Variants in FSTL5 observed in about 807,000 individuals in gnomAD.
FSTL5 encodes the protein follistatin-related protein 5.
A neutral mutation model predicts 89.1 loss-of-function variants in FSTL5; 62 were observed. The observed-to-expected ratio is 0.70, with a 90% CI of 0.57 to 0.86. The LOEUF is 0.86. Ranked by LOEUF, FSTL5 falls within the 40% of genes least tolerant of loss-of-function variation. The probability of loss-of-function intolerance (pLI) is 0.00; values close to 1 mark genes in which losing one functional copy is unlikely to be tolerated. For synonymous variants in FSTL5, 383 were observed against 346.2 expected (o/e 1.11, Z -1.18); for missense variants, 1,057 against 1,001.6 (o/e 1.06, Z -0.75).
At chr4:161,776,106 ATAT>A (rs766807930) in intron 4 of FSTL5, 32 bp from the exon 5 acceptor site, 14 of 1,079,168 alleles carry the variant, frequency 1.3e-5, no homozygotes, top group Non-Finnish European at 1.7e-5. Flanking sequence ...TTTTCAAGCA[ATAT>A]TATTGAAAAG....
rs1189502029 is a variant in FSTL5, at chr4:161,705,983, TATATATATATATAC to T, written c.728-49503_728-49490del. On this transcript the variant is annotated intron_variant, in intron 6 of 15. Transcript: ENST00000306100. The stretch of plus-strand genomic sequence containing the variant: ...ATATATATATATATATATATATATA[TATATATATATATAC>T]ACACATCTACACACACACAGACTAT... Among the ~76,000 whole-genome samples the T allele has an allele frequency of 7.3e-3, 685 of 94,346 alleles. 61 individuals carry two copies. The highest frequency in any genetic ancestry group is 0.012 in the Middle Eastern group (2 of 162). 61.9% of individuals were successfully genotyped at this position (94,346 alleles called of 152,430 possible).
At chr4:161,616,461 A>T (rs1734871554) in intron 7 of FSTL5, among the ~76,000 whole-genome samples, 2 of 152,156 alleles carry the variant, frequency 1.3e-5, no homozygotes, top group South Asian at 2.1e-4. Context: ...CAGCTTTTGG[A>T]TTCTTGGACC....
chr4:161,823,487 C>T (rs564913558), intron 4 of FSTL5, among the ~76,000 whole-genome samples: 3 of 152,306 alleles, frequency 2.0e-5, no homozygotes, highest in East Asian at 1.9e-4. Flanking sequence ...CAGGCTTAGC[C>T]GCAACTTTGC....
chr4:161,712,744 G>A (rs1738840532), intron 6 of FSTL5, among the ~76,000 whole-genome samples: 1 of 151,948 alleles, frequency 6.6e-6, no homozygotes, highest in Non-Finnish European at 1.5e-5. Flanking sequence ...GTTCACTGGA[G>A]ATCTCGTTGC....
chr4:161,609,616 C>T (rs757364286), intron 7 of FSTL5, among the ~76,000 whole-genome samples: 1 of 151,784 alleles, frequency 6.6e-6, no homozygotes, highest in African/African-American at 2.4e-5. Context: ...TATGAATGGT[C>T]TAAATTTTTT....
Position 161,602,616 on chromosome 4 carries a change from G to T in FSTL5, c.895-15041C>A, listed in dbSNP as rs118044266. Among the ~76,000 whole-genome samples the T allele has an allele frequency of 2.0e-5, 3 of 152,168 alleles. No individual in the cohort carries two copies. The East Asian group carries it at 5.8e-4, about 29-fold the overall frequency. On this transcript the variant is annotated intron_variant, in intron 7 of 15. Transcript: ENST00000306100. ...TATACTACAGGGGACCAAAGATAAA[G>T]AGAAATGTTTGATTTCCAGAAAAAA... is the stretch of plus-strand genomic sequence containing the variant.
chr4:161,928,408 T>G (rs531353188), intron 3 of FSTL5, among the ~76,000 whole-genome samples: 1 of 151,954 alleles, frequency 6.6e-6, no homozygotes, highest in East Asian at 1.9e-4. Flanking sequence ...ACAGAGTTTC[T>G]GTTCATTTGG....
At chr4:161,575,340 T>C (rs1733171364) in intron 8 of FSTL5, among the ~76,000 whole-genome samples, 1 of 152,232 alleles carries the variant, frequency 6.6e-6, no homozygotes, top group South Asian at 2.1e-4. Context: ...AGAAACTCTT[T>C]AGTTTAATTA....
intron 6 of FSTL5, among the ~76,000 whole-genome samples, chr4:161,747,489 A>G (rs1740240817): frequency 2.0e-5 from 3 of 152,226 alleles, no homozygotes; most frequent in Non-Finnish European, 4.4e-5. Flanking sequence ...AGCAACACTG[A>G]AAAGAAAGAG....
chr4:161,684,711 G>A (rs1437925834), intron 6 of FSTL5, among the ~76,000 whole-genome samples: 5 of 151,980 alleles, frequency 3.3e-5, no homozygotes, highest in African/African-American at 1.2e-4. Context: ...CCTACTCTCT[G>A]GGTTGTCTGT....
At chr4:161,552,686 CAT>C (rs1732256514) in intron 8 of FSTL5, 1 of 151,618 alleles carries the variant, frequency 6.6e-6, no homozygotes, top group South Asian at 2.1e-4. Flanking sequence ...ATGTAATCGA[CAT>C]GTGTCTCACT....
At chr4:161,923,597 T>C (rs1734049307) in intron 3 of FSTL5, among the ~76,000 whole-genome samples, 1 of 151,838 alleles carries the variant, frequency 6.6e-6, no homozygotes, top group Non-Finnish European at 1.5e-5. Context: ...GAGTGTTTTG[T>C]TTATTTTAGT....
chr4:161,563,604 T>C (rs1732684690), intron 8 of FSTL5, among the ~76,000 whole-genome samples: 1 of 151,942 alleles, frequency 6.6e-6, no homozygotes, highest in African/African-American at 2.4e-5. Flanking sequence ...TCCTCCATGG[T>C]ACCTATTAAT....
chr4:161,617,358 T>C (rs1734911744), intron 7 of FSTL5, among the ~76,000 whole-genome samples: 1 of 151,952 alleles, frequency 6.6e-6, no homozygotes, highest in Admixed American at 6.6e-5. Context: ...GAAAAAGTAC[T>C]AAAGAAAAGT....
chr4:162,135,240 T>A (rs908347277), intron 1 of FSTL5, among the ~76,000 whole-genome samples: 1 of 152,128 alleles, frequency 6.6e-6, no homozygotes, highest in Admixed American at 6.6e-5. Context: ...ACTATTAGTC[T>A]ATGATGTTAT....
rs61243040 is a variant in FSTL5 at position 161,471,979 on chromosome 4, CT to C, written c.1608+9040del. On this transcript the variant is annotated intron_variant, in intron 13 of 15. Coordinates refer to ENST00000306100, the MANE Select transcript of FSTL5 (RefSeq NM_020116.5). ...CTAATAGCTTGTCAATTTTCTTGAT[CT>C]TTTTTTTTTTTTTTGAGACAGAGTC... Among the ~76,000 whole-genome samples the C allele has an allele frequency of 1.7e-3, 221 of 132,498 alleles. 7 individuals are homozygous for C. In the South Asian group the frequency reaches 0.038, roughly 23 times the overall value. 86.9% of individuals were successfully genotyped at this position (132,498 alleles called of 152,430 possible). A position where few individuals can be genotyped will look rare whatever the true frequency, so the allele number is the denominator to read the frequency against.
intron 3 of FSTL5, among the ~76,000 whole-genome samples, chr4:161,966,246 C>A (rs756403963): frequency 1.3e-5 from 2 of 152,058 alleles, no homozygotes; most frequent in Non-Finnish European, 2.9e-5. Context: ...GCTTGGAACT[C>A]TACAATTGCA....
At chr4:161,661,158 G>A (rs991693081) in intron 6 of FSTL5, among the ~76,000 whole-genome samples, 1 of 152,096 alleles carries the variant, frequency 6.6e-6, no homozygotes, top group Admixed American at 6.6e-5. Context: ...TAAAAAGGAT[G>A]ATTTTAGGAA....
chr4:161,721,033 C>T (rs992082823), intron 6 of FSTL5, among the ~76,000 whole-genome samples: 1 of 151,378 alleles, frequency 6.6e-6, no homozygotes, highest in African/African-American at 2.4e-5. Context: ...AATCCCAGCA[C>T]TTTGGGAGGC....
Sources: gnomAD v4.1 joint callset for allele counts (sites outside exome capture counted in the v4.1 genomes callset) on GRCh38, gnomAD v4.1.1 for gene constraint, MANE v1.5 for transcripts, NCBI Gene and HGNC (gene_info 2026-07-23, HGNC 2026-07-21) for gene names.